GPC6: variants seen among roughly 807,000 people sequenced by gnomAD.
The protein encoded by GPC6 is glypican-6.
A neutral mutation model predicts 55.2 loss-of-function variants in GPC6; 14 were observed. That is an observed-to-expected ratio of 0.25 (90% confidence interval 0.17 to 0.40). GPC6 has a LOEUF of 0.40. GPC6 is among the 10% of genes least tolerant of loss of function. The pLI is 1.00. For synonymous variants in GPC6, 278 were observed against 259.6 expected, an observed-to-expected ratio of 1.07 and a Z score of -0.68; for missense variants, 641 against 708.5, an observed-to-expected ratio of 0.90 and a Z score of 1.08.
chr13:93,830,705 GC>G, intron 3 of GPC6, 160 bp downstream of exon 3: 1 of 676,492 alleles, frequency 1.5e-6, no homozygotes, highest in Non-Finnish European at 2.5e-6. Context: ...CATAATTCTG[GC>G]TTTCTTTTCC....
At chr13:93,622,322 G>C (rs984905220) in intron 2 of GPC6, among the ~76,000 whole-genome samples, 2 of 152,272 alleles carry the variant, frequency 1.3e-5, no homozygotes, top group Non-Finnish European at 2.9e-5. Context: ...TTGCATTTTA[G>C]ATAAGGGAAC....
intron 1 of GPC6, among the ~76,000 whole-genome samples, chr13:93,511,028 T>A (rs1880949832): frequency 2.1e-5 from 1 of 47,274 alleles, no homozygotes; most frequent in African/African-American, 4.8e-5. Flanking sequence ...GGCCATTTTT[T>A]AATGAGATTA....
chr13:93,707,777 A>G (rs546312220), intron 2 of GPC6, among the ~76,000 whole-genome samples: 18 of 151,940 alleles, frequency 1.2e-4, no homozygotes, highest in African/African-American at 4.1e-4. Flanking sequence ...ATTATATTTT[A>G]CTAAATGATA....
At chr13:93,320,708 A>T (rs1411770701) in intron 1 of GPC6, among the ~76,000 whole-genome samples, 1 of 152,068 alleles carries the variant, frequency 6.6e-6, no homozygotes, top group Non-Finnish European at 1.5e-5. Flanking sequence ...TTGGGGCTAT[A>T]GCCACAGAAT....
At chr13:93,431,323 A>G (rs1306880424) in intron 1 of GPC6, among the ~76,000 whole-genome samples, 1 of 152,128 alleles carries the variant, frequency 6.6e-6, no homozygotes, top group Non-Finnish European at 1.5e-5. Flanking sequence ...AACATTTATG[A>G]GAAAGGACAC....
chr13:94,144,129 A>G (rs1362742200), intron 4 of GPC6, among the ~76,000 whole-genome samples: 2 of 152,072 alleles, frequency 1.3e-5, no homozygotes, highest in African/African-American at 4.8e-5. Context: ...CTCTTTTTTA[A>G]TAGCGCTGTT....
chr13:94,036,844 A>T (rs1344369007), intron 4 of GPC6, among the ~76,000 whole-genome samples: 1 of 151,946 alleles, frequency 6.6e-6, no homozygotes, highest in East Asian at 1.9e-4. Context: ...TGACTTCAGG[A>T]GGAGGGTATT....
At chr13:93,290,915 T>C (rs1366648527) in intron 1 of GPC6, among the ~76,000 whole-genome samples, 2 of 152,130 alleles carry the variant, frequency 1.3e-5, no homozygotes. Flanking sequence ...GTATTCAATA[T>C]TATGGTTAGA....
chr13:93,553,315 A>G (rs566547419), intron 2 of GPC6, among the ~76,000 whole-genome samples: 1 of 150,182 alleles, frequency 6.7e-6, no homozygotes, highest in African/African-American at 2.4e-5. Flanking sequence ...GTATTCTAAG[A>G]ATATGAGAAA....
intron 3 of GPC6, among the ~76,000 whole-genome samples, chr13:93,896,466 G>A (rs139020068): frequency 2.6e-5 from 4 of 151,960 alleles, no homozygotes; most frequent in Non-Finnish European, 4.4e-5. Flanking sequence ...CAGATGACTC[G>A]TATAAACTTC....
chr13:93,979,390 T>C (rs917880490), intron 3 of GPC6, among the ~76,000 whole-genome samples: 2 of 151,538 alleles, frequency 1.3e-5, no homozygotes, highest in Non-Finnish European at 2.9e-5. Flanking sequence ...AGTAGACTAC[T>C]CTTTGAGTTC....
At chr13:93,435,739 A>G (rs1877547375) in intron 1 of GPC6, among the ~76,000 whole-genome samples, 1 of 152,206 alleles carries the variant, frequency 6.6e-6, no homozygotes, top group African/African-American at 2.4e-5. Context: ...GAGTGGAGGT[A>G]GGATTTGCAA....
intron 2 of GPC6, among the ~76,000 whole-genome samples, chr13:93,819,202 CA>C (rs749602809): frequency 2.0e-5 from 3 of 152,068 alleles, no homozygotes; most frequent in Non-Finnish European, 4.4e-5. Flanking sequence ...TCTTTTGTTC[CA>C]ATAGCCCCAG....
intron 4 of GPC6, among the ~76,000 whole-genome samples, chr13:94,275,297 G>A (rs1892168004): frequency 1.3e-5 from 2 of 152,146 alleles, no homozygotes; most frequent in African/African-American, 2.4e-5. Flanking sequence ...CAAGCAATGG[G>A]AAGAGTGACT....
intron 4 of GPC6, among the ~76,000 whole-genome samples, chr13:94,277,278 T>G (rs201427573): frequency 1.3e-4 from 3 of 23,926 alleles, no homozygotes; most frequent in Admixed American, 2.4e-4. Context: ...TTTTGATGGG[T>G]TTTTTTTTTT....
chr13:93,407,048 A>C (rs930955201), intron 1 of GPC6, among the ~76,000 whole-genome samples: 1 of 152,122 alleles, frequency 6.6e-6, no homozygotes, highest in Non-Finnish European at 1.5e-5. Context: ...GGTTGCATCA[A>C]TGTTAAGTTG....
chr13:93,410,546 A>T (rs891708898), intron 1 of GPC6, among the ~76,000 whole-genome samples: 8 of 152,204 alleles, frequency 5.3e-5, no homozygotes, highest in Non-Finnish European at 2.9e-5. Context: ...CCTTGCAAAG[A>T]GTCAGGCAGA....
At chr13:93,924,726 C>T (rs1354837277) in intron 3 of GPC6, among the ~76,000 whole-genome samples, 2 of 148,432 alleles carry the variant, frequency 1.3e-5, no homozygotes, top group African/African-American at 5.0e-5. Context: ...AACAAATTAC[C>T]CAAAAGGTAG....
chr13:94,293,030 A>T (rs1008737623), intron 5 of GPC6, among the ~76,000 whole-genome samples: 23 of 152,218 alleles, frequency 1.5e-4, no homozygotes, highest in African/African-American at 4.6e-4. Context: ...TTTGTACAAT[A>T]TTATATGTAT....
Sources: gnomAD v4.1 joint callset for allele counts (sites outside exome capture counted in the v4.1 genomes callset) on GRCh38, gnomAD v4.1.1 for gene constraint, MANE v1.5 for transcripts, NCBI Gene and HGNC (gene_info 2026-07-23, HGNC 2026-07-21) for gene names.